Variants in USP15 observed in about 807,000 individuals in gnomAD.
USP15 encodes ubiquitin specific peptidase 15, also known as ubiquitin carboxyl-terminal hydrolase 15.
In USP15, 18 loss-of-function variants were observed where a neutral mutation model predicts 127.1. That is an observed-to-expected ratio of 0.14 (90% CI 0.10 to 0.21). The LOEUF is 0.21. Among genes scored for constraint, USP15 ranks in the 10% least tolerant of loss-of-function variants. USP15 has a pLI of 1.00. For synonymous variants in USP15, 364 were observed against 393.7 expected (o/e 0.92, Z 0.89); for missense variants, 805 against 1,159.9 (o/e 0.69, Z 4.44).
intron 20 of USP15, among the ~76,000 whole-genome samples, chr12:62,399,847 T>C (rs2067623490): frequency 6.6e-6 from 1 of 152,192 alleles, no homozygotes; most frequent in Non-Finnish European, 1.5e-5. Flanking sequence ...TTGGCTTGTC[T>C]TTTGAATTAT....
At chr12:62,270,602 C>G (rs1000050017) in intron 1 of USP15, among the ~76,000 whole-genome samples, 1 of 152,072 alleles carries the variant, frequency 6.6e-6, no homozygotes, top group South Asian at 2.1e-4. Flanking sequence ...TGTCCCAAAA[C>G]TATTTGTCAA....
chr12:62,282,646 A>G (rs575473452), intron 1 of USP15, among the ~76,000 whole-genome samples: 112 of 152,310 alleles, frequency 7.4e-4, no homozygotes, highest in African/African-American at 2.5e-3. Context: ...TTCCACCCAA[A>G]CTGCCTTCAA....
intron 1 of USP15, among the ~76,000 whole-genome samples, chr12:62,263,500 C>A (rs2063120152): frequency 6.6e-6 from 1 of 152,124 alleles, no homozygotes; most frequent in Admixed American, 6.5e-5. Flanking sequence ...ACTACAGTTT[C>A]TCTTTATTTG....
At chr12:62,328,333 G>A (rs2065192172) in intron 6 of USP15, 1 of 452,740 alleles carries the variant, frequency 2.2e-6, no homozygotes, top group Admixed American at 2.4e-5. Flanking sequence ...TATAACTGCT[G>A]ATGTAGTATG....
At chr12:62,277,805 A>G (rs1264154957) in intron 1 of USP15, among the ~76,000 whole-genome samples, 3 of 152,178 alleles carry the variant, frequency 2.0e-5, no homozygotes, top group African/African-American at 7.2e-5. Flanking sequence ...TGTGGGCCTC[A>G]GGTTGGACAA....
At chr12:62,290,199 T>A (rs1356792147) in intron 1 of USP15, among the ~76,000 whole-genome samples, 4 of 152,194 alleles carry the variant, frequency 2.6e-5, no homozygotes, top group Non-Finnish European at 5.9e-5. Context: ...TGTCTAGTGC[T>A]GTCAGTGGAA....
chr12:62,385,196 A>G (rs1473838729), intron 11 of USP15, among the ~76,000 whole-genome samples: 1 of 151,910 alleles, frequency 6.6e-6, no homozygotes, highest in Non-Finnish European at 1.5e-5. Context: ...CAAAAATTTT[A>G]TTCATCAAGA....
At chr12:62,293,791 C>T (rs2064047407) in intron 1 of USP15, among the ~76,000 whole-genome samples, 2 of 152,160 alleles carry the variant, frequency 1.3e-5, no homozygotes, top group African/African-American at 4.8e-5. Flanking sequence ...ACCTCCGAAA[C>T]ACACAATAAA....
intron 8 of USP15, among the ~76,000 whole-genome samples, chr12:62,367,803 T>C (rs2066527079): frequency 6.6e-6 from 1 of 152,208 alleles, no homozygotes; most frequent in South Asian, 2.1e-4. Flanking sequence ...TTCGTGTCTC[T>C]GTCTCCTTCA....
At chr12:62,364,083 G>A (rs1390261093) in intron 8 of USP15, among the ~76,000 whole-genome samples, 1 of 152,126 alleles carries the variant, frequency 6.6e-6, no homozygotes, top group Admixed American at 6.6e-5. Context: ...TCTGCGTGTC[G>A]TAGGTGGTGG....
At chr12:62,296,078 CAT>C (rs1054245918) in intron 2 of USP15, among the ~76,000 whole-genome samples, 1 of 152,158 alleles carries the variant, frequency 6.6e-6, no homozygotes, top group African/African-American at 2.4e-5. Flanking sequence ...TGGAAGGAAT[CAT>C]GTGAGATGCA....
chr12:62,309,388 G>A (rs1189283816), intron 3 of USP15, among the ~76,000 whole-genome samples: 2 of 152,030 alleles, frequency 1.3e-5, no homozygotes, highest in African/African-American at 4.8e-5. Context: ...TAGGAAACTC[G>A]AATTCACCTA....
At position 62,297,637 on chromosome 12, in the gene USP15, A is replaced by C. The variant is rs190330399; in HGVS notation, c.217+3331A>C. 2.0e-3 allele frequency among the ~76,000 whole-genome samples: 303 copies of C among 152,368 alleles called. 1 individual carries two copies. The highest frequency in any genetic ancestry group is 6.9e-3 in the African/African-American group (287 of 41,590). On this transcript the variant is annotated intron_variant, in intron 2 of 21. Coordinates refer to ENST00000280377, the MANE Select transcript of USP15 (RefSeq NM_001252078.2). ...ACAGAAAAGACATATCCACAAAAAAAGTTTGAGATGTTCTCAGAATCTCTA... is the reference window on the plus strand; with the variant it reads ...ACAGAAAAGACATATCCACAAAAAACGTTTGAGATGTTCTCAGAATCTCTA...
Position 62,410,556 on chromosome 12 carries a change from A to C in USP15, c.*6181A>C, listed in dbSNP as rs569164868. ...TAAGTTGAAGTAATACTGCAAATTC[A>C]AACAGTAAACATCATTAATCCTAGA... is the stretch of plus-strand genomic sequence containing the variant. On this transcript the variant is annotated 3_prime_UTR_variant, in exon 22 of 22. Transcript: ENST00000280377. 22 of 152,144 alleles carry C rather than the reference A, an allele frequency of 1.4e-4. No individual in the cohort carries two copies. Among genetic ancestry groups the C allele is most frequent in the Non-Finnish European group, 2.9e-4 (20 of 68,016 alleles). The allele number at this position is 152,144 out of a possible 1,614,324, so 9.4% of individuals were successfully genotyped here. A position where few individuals can be genotyped will look rare whatever the true frequency, so the allele number is the denominator to read the frequency against.
At chr12:62,357,790 A>G (rs1031319922) in intron 8 of USP15, among the ~76,000 whole-genome samples, 5 of 152,124 alleles carry the variant, frequency 3.3e-5, no homozygotes, top group Admixed American at 6.6e-5. Flanking sequence ...ATGATTTTTA[A>G]TTGATTAAGA....
chr12:62,337,101 C>T (rs746708139), intron 6 of USP15, among the ~76,000 whole-genome samples: 1 of 152,020 alleles, frequency 6.6e-6, no homozygotes, highest in African/African-American at 2.4e-5. Context: ...TTATGAGAAA[C>T]GCCTAAGTAT....
At chr12:62,336,512 A>G in intron 6 of USP15, 9 of 982,760 alleles carry the variant, frequency 9.2e-6, no homozygotes, top group South Asian at 4.7e-5. Context: ...CTTGAAAATT[A>G]TTAAAGATCC....
chr12:62,407,924 T>C lies in USP15; in HGVS notation c.*3549T>C, dbSNP rs1287437826. 2.6e-5 allele frequency: 4 copies of C among 152,184 alleles called. No homozygotes were observed. Among genetic ancestry groups the C allele is most frequent in the African/African-American group, 7.2e-5 (3 of 41,440 alleles). The allele number at this position is 152,184 out of a possible 1,614,324, so 9.4% of individuals were successfully genotyped here. ...TGCAGCCTGGTGCTTTATTTAAATA[T>C]CTTGCTTTCTCATAATCTGTGTTAT... On this transcript the variant is annotated 3_prime_UTR_variant, in exon 22 of 22. Transcript: ENST00000280377.
At chr12:62,319,213 C>A (rs1202344476) in intron 4 of USP15, among the ~76,000 whole-genome samples, 2 of 152,130 alleles carry the variant, frequency 1.3e-5, no homozygotes, top group East Asian at 3.9e-4. Flanking sequence ...GTGCTACACA[C>A]TTTCAAACAA....
Sources: gnomAD v4.1 joint callset for allele counts (sites outside exome capture counted in the v4.1 genomes callset) on GRCh38, gnomAD v4.1.1 for gene constraint, MANE v1.5 for transcripts, NCBI Gene and HGNC (gene_info 2026-07-23, HGNC 2026-07-21) for gene names.